The following LMX1B variants were observed in gnomAD, a reference collection of about 807,000 sequenced individuals.
The protein encoded by LMX1B is LIM homeobox transcription factor 1-beta.
LMX1B carries 12 observed loss-of-function variants against 51.4 expected under a neutral mutation model. That is an observed-to-expected ratio of 0.23 (90% CI 0.15 to 0.38). The LOEUF is 0.38. Among genes scored for constraint, LMX1B ranks in the 10% least tolerant of loss-of-function variants. LMX1B has a pLI of 1.00. For missense variants in LMX1B, 445 were observed against 571.1 expected (o/e 0.78, Z 2.25); for synonymous variants, 237 against 235.4 (o/e 1.01, Z -0.06).
At chr9:126,636,062 CT>C (rs1835709059) in intron 2 of LMX1B, among the ~76,000 whole-genome samples, 4 of 152,166 alleles carry the variant, frequency 2.6e-5, no homozygotes, top group East Asian at 3.9e-4. Context: ...GAGCCCTCCC[CT>C]CTATGAGCCT....
rs2118945788 is a variant in LMX1B, at chr9:126,671,417, G to A, written c.327-19419G>A. On this transcript the variant is annotated intron_variant, in intron 2 of 7. Coordinates refer to ENST00000373474, the MANE Select transcript of LMX1B (RefSeq NM_001174147.2). The surrounding 1 kb of genome is among the most constrained non-coding windows in gnomAD (Gnocchi z 4.4). ...GGGCTCAGCTGGGGCCCCTGGCCTG[G>A]CCAGCCAGGGCCGAGGGGCCCATCT... Among the ~76,000 whole-genome samples, 1 of 151,818 alleles carries A rather than the reference G, an allele frequency of 6.6e-6. No individual in the cohort carries two copies. Among genetic ancestry groups the A allele is most frequent in the Non-Finnish European group, 1.5e-5 (1 of 67,860 alleles).
intron 2 of LMX1B, among the ~76,000 whole-genome samples, chr9:126,674,404 G>C (rs1029148963): frequency 4.6e-5 from 7 of 152,164 alleles, no homozygotes; most frequent in Non-Finnish European, 8.8e-5. Context: ...GGGCATTCAG[G>C]AACACCAGCA....
At chr9:126,687,026 C>T (rs2029920929) in intron 2 of LMX1B, among the ~76,000 whole-genome samples, 1 of 152,124 alleles carries the variant, frequency 6.6e-6, no homozygotes, top group African/African-American at 2.4e-5. Context: ...TAAACCCAGT[C>T]AGCGTCAGGG....
chr9:126,693,672 G>A (rs1215623607), intron 5 of LMX1B, 71 bp downstream of exon 5: 101 of 1,600,886 alleles, frequency 6.3e-5, no homozygotes, highest in Non-Finnish European at 7.6e-5. Flanking sequence ...AGAAGACTAC[G>A]GTCCAGGGGG....
intron 2 of LMX1B, among the ~76,000 whole-genome samples, chr9:126,651,418 C>T (rs941945224): frequency 4.4e-5 from 6 of 135,388 alleles, no homozygotes; most frequent in African/African-American, 1.6e-4. Flanking sequence ...GCACAGGGGG[C>T]GGGGGTCAGC....
intron 2 of LMX1B, among the ~76,000 whole-genome samples, chr9:126,632,046 G>C (rs971467592): frequency 6.6e-6 from 1 of 152,164 alleles, no homozygotes; most frequent in Non-Finnish European, 1.5e-5. Context: ...GCTGGACTCT[G>C]GGCTTGGCCT....
At chr9:126,628,502 A>C (rs1835574275) in intron 2 of LMX1B, among the ~76,000 whole-genome samples, 1 of 152,246 alleles carries the variant, frequency 6.6e-6, no homozygotes, top group Non-Finnish European at 1.5e-5. Flanking sequence ...GCCAGGTCTC[A>C]GCTGGGTTCA....
rs1179070028 is a variant in LMX1B, at chr9:126,697,381, AG to A, written c.*934del. Reference sequence around the variant, plus strand: ...CATCAGACCAGACAACAGAGCCTCCAGGGGTCAGGGACTTCAGAAGCACCTG... The same window carrying A: ...CATCAGACCAGACAACAGAGCCTCCAGGGTCAGGGACTTCAGAAGCACCTG... On this transcript the variant is annotated 3_prime_UTR_variant, in exon 8 of 8. Coordinates refer to ENST00000373474, the MANE Select transcript of LMX1B (RefSeq NM_001174147.2). 2 of 152,280 alleles carry A rather than the reference AG, an allele frequency of 1.3e-5. No individual in the cohort carries two copies. Among genetic ancestry groups the A allele is most frequent in the Non-Finnish European group, 2.9e-5 (2 of 68,216 alleles). 9.4% of individuals were successfully genotyped at this position (152,280 alleles called of 1,614,324 possible). A position where few individuals can be genotyped will look rare whatever the true frequency, so the allele number is the denominator to read the frequency against.
At chr9:126,635,742 T>C (rs1214021588) in intron 2 of LMX1B, among the ~76,000 whole-genome samples, 8 of 152,178 alleles carry the variant, frequency 5.3e-5, no homozygotes, top group Non-Finnish European at 1.2e-4. Flanking sequence ...AAGTTCCTGC[T>C]CCGAGGCCAC....
At chr9:126,637,753 C>T (rs1835738243) in intron 2 of LMX1B, among the ~76,000 whole-genome samples, 1 of 151,858 alleles carries the variant, frequency 6.6e-6, no homozygotes, top group Non-Finnish European at 1.5e-5. Context: ...TTTCCTTTCA[C>T]CTCTATCACG....
At position 126,639,170 on chromosome 9, in the gene LMX1B, G is replaced by A. The variant is rs1029961029; in HGVS notation, c.326+23601G>A. On this transcript the variant is annotated intron_variant, in intron 2 of 7. Transcript: ENST00000373474. ...AGAAAAGGAGAGGAAAGAGAGGAGGGGAGGGAGAGACAGTGAGGCAGGGGC... is the reference window on the plus strand; with the variant it reads ...AGAAAAGGAGAGGAAAGAGAGGAGGAGAGGGAGAGACAGTGAGGCAGGGGC... Among the ~76,000 whole-genome samples, 3 of 151,990 alleles carry A rather than the reference G, an allele frequency of 2.0e-5. No homozygotes were observed. The South Asian group carries it at 6.2e-4, about 32-fold the overall frequency.
intron 2 of LMX1B, 105 bp from the exon 3 acceptor site, chr9:126,690,731 C>T: frequency 2.0e-6 from 2 of 984,134 alleles, no homozygotes; most frequent in East Asian, 5.2e-5. Context: ...TCCCTCCCAC[C>T]TGGGCCTGAG....
At chr9:126,648,931 A>T (rs542797124) in intron 2 of LMX1B, among the ~76,000 whole-genome samples, 1 of 152,094 alleles carries the variant, frequency 6.6e-6, no homozygotes, top group Admixed American at 6.5e-5. Flanking sequence ...GCCGCACGGG[A>T]AGCTCTGCTG....
At chr9:126,635,855 G>A (rs1835705522) in intron 2 of LMX1B, among the ~76,000 whole-genome samples, 1 of 152,196 alleles carries the variant, frequency 6.6e-6, no homozygotes, top group Admixed American at 6.5e-5. Context: ...GAAAGGAGGG[G>A]AGGGCCTGAG....
At chr9:126,624,085 C>T (rs1020431935) in intron 2 of LMX1B, among the ~76,000 whole-genome samples, 2 of 152,254 alleles carry the variant, frequency 1.3e-5, no homozygotes, top group Admixed American at 6.5e-5. Flanking sequence ...CGCACACGGT[C>T]CTGCCCTTTC....
In LMX1B at chr9:126,693,819, C is replaced by T. The variant is rs893571231; in HGVS notation, c.886+7C>T. Reference sequence around the variant, plus strand: ...TCCCAGCGGCTGGGCCAGGGTGAGCCGGGGCCGGGGCAGGGCCTGGGCCAG... The same window carrying T: ...TCCCAGCGGCTGGGCCAGGGTGAGCTGGGGCCGGGGCAGGGCCTGGGCCAG... On this transcript the variant is annotated splice_region_variant and intron_variant, in intron 6 of 7. Transcript: ENST00000373474. 2.4e-6 allele frequency: 3 copies of T among 1,244,892 alleles called. No homozygotes were observed. Among genetic ancestry groups the T allele is most frequent in the South Asian group, 1.3e-5 (1 of 78,306 alleles). The allele number at this position is 1,244,892 out of a possible 1,614,324, so 77.1% of individuals were successfully genotyped here. A position where few individuals can be genotyped will look rare whatever the true frequency, so the allele number is the denominator to read the frequency against.
intron 2 of LMX1B, among the ~76,000 whole-genome samples, chr9:126,661,242 G>A (rs946360635): frequency 2.4e-5 from 3 of 125,098 alleles, no homozygotes; most frequent in Non-Finnish European, 3.6e-5. Flanking sequence ...GACGCCCCAC[G>A]CAGGGCGACC....
rs1588309173 is a variant in LMX1B at position 126,695,785 on chromosome 9, G to A, written c.887-54G>A. 7 of 1,599,588 alleles carry A rather than the reference G, an allele frequency of 4.4e-6. No homozygotes were observed. The highest frequency in any genetic ancestry group is 2.2e-5 in the East Asian group (1 of 44,674). ...GATCAGAAGGGGAGGCTGCTGGGGT[G>A]TAGCTGGGAGGGCGTGGACCAGGCC... On this transcript the variant is annotated intron_variant, in intron 6 of 7. Coordinates refer to ENST00000373474, the MANE Select transcript of LMX1B (RefSeq NM_001174147.2). This position sits in a 1 kb window ranked among gnomAD's most constrained non-coding sequence, Gnocchi z 5.2.
At chr9:126,627,263 C>T (rs750741159) in intron 2 of LMX1B, among the ~76,000 whole-genome samples, 2 of 152,116 alleles carry the variant, frequency 1.3e-5, no homozygotes, top group Non-Finnish European at 2.9e-5. Context: ...ATATAGTGCC[C>T]CTCCCCCAGG....
Sources: gnomAD v4.1 joint callset for allele counts (sites outside exome capture counted in the v4.1 genomes callset) on GRCh38, gnomAD v4.1.1 for gene constraint, Gnocchi (gnomAD v3.1) non-coding constraint, MANE v1.5 for transcripts, NCBI Gene and HGNC (gene_info 2026-07-23, HGNC 2026-07-21) for gene names.